PRKN: variants seen among roughly 807,000 people sequenced by gnomAD.
The protein encoded by PRKN is parkin RBR E3 ubiquitin protein ligase.
PRKN carries 56 observed loss-of-function variants against 59.5 expected under a neutral mutation model. The observed-to-expected ratio is 0.94, with a 90% CI of 0.76 to 1.18. PRKN has a LOEUF of 1.18. Among genes scored for constraint, PRKN ranks in the 50% most tolerant of loss-of-function variants. The pLI is 0.00. For synonymous variants in PRKN, 250 were observed against 222.1 expected, an observed-to-expected ratio of 1.13 and a Z score of -1.12; for missense variants, 657 against 596.4, an observed-to-expected ratio of 1.10 and a Z score of -1.06.
At chr6:161,845,986 G>A (rs892755648) in intron 6 of PRKN, among the ~76,000 whole-genome samples, 3 of 152,158 alleles carry the variant, frequency 2.0e-5, no homozygotes, top group Admixed American at 2.0e-4. Flanking sequence ...AGGAAAACGG[G>A]GAGAGATTGC....
chr6:161,752,758 G>A (rs1788749100), intron 7 of PRKN, among the ~76,000 whole-genome samples: 1 of 152,188 alleles, frequency 6.6e-6, no homozygotes, highest in African/African-American at 2.4e-5. Flanking sequence ...TCCAAGAAAG[G>A]AAGTAGAGAG....
intron 2 of PRKN, among the ~76,000 whole-genome samples, chr6:162,389,018 A>AAAAAC (rs1554312387): frequency 6.7e-6 from 1 of 149,326 alleles, no homozygotes; most frequent in African/African-American, 2.5e-5. Flanking sequence ...AAAAAAAAAA[A>AAAAAC]AAAAAACAAA....
At chr6:162,025,092 T>G (rs925969641) in intron 5 of PRKN, among the ~76,000 whole-genome samples, 1 of 149,814 alleles carries the variant, frequency 6.7e-6, no homozygotes, top group Non-Finnish European at 1.5e-5. Context: ...CTCGGCTCAC[T>G]GCAAGCTCCA....
At position 161,467,811 on chromosome 6, in the gene PRKN, TG is replaced by T. The variant is rs889463184; in HGVS notation, c.1084-80935del. On this transcript the variant is annotated intron_variant, in intron 9 of 11. Coordinates refer to ENST00000366898, the MANE Select transcript of PRKN (RefSeq NM_004562.3). The surrounding 1 kb of genome is among the most constrained non-coding windows in gnomAD (Gnocchi z 4.3). Reference sequence around the variant, plus strand: ...AGTGAGCTGTGAGTAGAGGGTTTCCTGGGGATTCCAGGGAGCTACATTCTCA... The same window carrying T: ...AGTGAGCTGTGAGTAGAGGGTTTCCTGGGATTCCAGGGAGCTACATTCTCA... 1.3e-5 allele frequency among the ~76,000 whole-genome samples: 2 copies of T among 152,128 alleles called. No individual in the cohort carries two copies. The highest frequency in any genetic ancestry group is 2.9e-5 in the Non-Finnish European group (2 of 68,022).
At chr6:162,426,192 A>G (rs1789229953) in intron 2 of PRKN, among the ~76,000 whole-genome samples, 1 of 152,216 alleles carries the variant, frequency 6.6e-6, no homozygotes, top group Non-Finnish European at 1.5e-5. Flanking sequence ...TTATAATAAA[A>G]CTATAGTAAT....
intron 1 of PRKN, among the ~76,000 whole-genome samples, chr6:162,483,784 C>T (rs1187073723): frequency 6.6e-6 from 1 of 152,124 alleles, no homozygotes; most frequent in Non-Finnish European, 1.5e-5. Context: ...ATTTACATGA[C>T]AGAAATATGT....
chr6:161,979,323 A>G (rs1781172916), intron 5 of PRKN, among the ~76,000 whole-genome samples: 1 of 152,148 alleles, frequency 6.6e-6, no homozygotes. Flanking sequence ...CCCAGGCTGG[A>G]ATGCAGTGGC....
chr6:162,207,206 A>C (rs775262629), intron 3 of PRKN, among the ~76,000 whole-genome samples: 1 of 152,058 alleles, frequency 6.6e-6, no homozygotes, highest in Non-Finnish European at 1.5e-5. Flanking sequence ...CCCCTTCTCT[A>C]TTAAAAATAC....
intron 3 of PRKN, among the ~76,000 whole-genome samples, chr6:162,256,992 A>G (rs968024416): frequency 1.3e-5 from 2 of 152,246 alleles, no homozygotes; most frequent in Non-Finnish European, 2.9e-5. Context: ...CACAAAAAGC[A>G]AAACAATTCC....
At chr6:161,961,225 T>C (rs1386108940) in intron 6 of PRKN, among the ~76,000 whole-genome samples, 1 of 152,156 alleles carries the variant, frequency 6.6e-6, no homozygotes, top group Non-Finnish European at 1.5e-5. Context: ...AGAAGGAATC[T>C]AATGTGGAGA....
intron 5 of PRKN, among the ~76,000 whole-genome samples, chr6:161,982,100 G>A (rs77320859): frequency 0.015 from 2,215 of 152,268 alleles, 59 homozygotes; most frequent in African/African-American, 0.051. Context: ...AAGTTCTTCA[G>A]TGTGCCTTGA....
chr6:161,631,436 C>T (rs1212487062), intron 7 of PRKN, among the ~76,000 whole-genome samples: 2 of 152,152 alleles, frequency 1.3e-5, no homozygotes, highest in African/African-American at 2.4e-5. Flanking sequence ...AGCTTTGCCA[C>T]GTGTTTTATG....
chr6:162,424,966 G>C (rs573427957), intron 2 of PRKN, among the ~76,000 whole-genome samples: 1 of 151,996 alleles, frequency 6.6e-6, no homozygotes, highest in South Asian at 2.1e-4. Flanking sequence ...ATAGGAGATG[G>C]GTGTCTTAGC....
intron 7 of PRKN, among the ~76,000 whole-genome samples, chr6:161,749,102 C>A (rs1303560108): frequency 6.6e-6 from 1 of 152,058 alleles, no homozygotes; most frequent in Non-Finnish European, 1.5e-5. Flanking sequence ...GATTCAGGGC[C>A]GGGAGGCGGG....
intron 7 of PRKN, among the ~76,000 whole-genome samples, chr6:161,614,519 T>C (rs957097900): frequency 7.2e-5 from 11 of 152,230 alleles, no homozygotes; most frequent in Admixed American, 5.2e-4. Flanking sequence ...TATGGTAATA[T>C]CTATTTAGAA....
At chr6:162,696,325 CACG>C (rs1777965076) in intron 1 of PRKN, among the ~76,000 whole-genome samples, 1 of 152,048 alleles carries the variant, frequency 6.6e-6, no homozygotes, top group Non-Finnish European at 1.5e-5. Flanking sequence ...GAGAAAGTGC[CACG>C]CTCAAGAAAG....
chr6:161,771,369 AAAT>A (rs1248611712), intron 7 of PRKN, among the ~76,000 whole-genome samples: 13 of 89,442 alleles, frequency 1.5e-4, no homozygotes, highest in East Asian at 3.3e-4. Context: ...AAAAAAAAAA[AAAT>A]AAAATAAAAT....
At chr6:162,727,573 G>C in intron 1 of PRKN, 89 bp downstream of exon 1, 2 of 1,364,652 alleles carry the variant, frequency 1.5e-6, no homozygotes, top group Non-Finnish European at 2.0e-6. Context: ...AGTTGGCACC[G>C]GGGGTCCTGG....
chr6:162,481,989 T>C (rs1792330174), intron 1 of PRKN, among the ~76,000 whole-genome samples: 1 of 152,204 alleles, frequency 6.6e-6, no homozygotes. Context: ...TGGTGTCTCA[T>C]GGTGGACTCC....
Sources: gnomAD v4.1 joint callset for allele counts (sites outside exome capture counted in the v4.1 genomes callset) on GRCh38, gnomAD v4.1.1 for gene constraint, Gnocchi (gnomAD v3.1) non-coding constraint, MANE v1.5 for transcripts, NCBI Gene and HGNC (gene_info 2026-07-23, HGNC 2026-07-21) for gene names.